The following MINK1 variants were observed in gnomAD, a reference collection of about 807,000 sequenced individuals.
MINK1 encodes the protein misshapen like kinase 1.
A neutral mutation model predicts 178.4 loss-of-function variants in MINK1; 46 were observed. The observed-to-expected ratio is 0.26, with a 90% CI of 0.20 to 0.33. The LOEUF is 0.33. MINK1 is among the 10% of genes least tolerant of loss of function. The pLI, the probability that MINK1 is intolerant of heterozygous loss-of-function variation, is 1.00. For synonymous variants in MINK1, 797 were observed against 709.7 expected (o/e 1.12, Z -1.96); for missense variants, 1,366 against 1,814.9 (o/e 0.75, Z 4.49).
intron 1 of MINK1, among the ~76,000 whole-genome samples, chr17:4,848,864 A>G (rs1911482882): frequency 6.6e-6 from 1 of 152,168 alleles, no homozygotes; most frequent in Non-Finnish European, 1.5e-5. Context: ...GGATGTTGAG[A>G]GGATTAAATA....
chr17:4,878,472 T>A, intron 2 of MINK1, 90 bp downstream of exon 2: 1 of 1,189,092 alleles, frequency 8.4e-7, no homozygotes, highest in Non-Finnish European at 1.2e-6. Flanking sequence ...TCTGCAGGTC[T>A]GAAGGGGGCT....
rs1246532877 is a variant in MINK1, at chr17:4,886,539, T to G, written c.862T>G (p.Phe288Val). 1 of 1,613,756 alleles carries G rather than the reference T, an allele frequency of 6.2e-7. No individual in the cohort carries two copies. Among genetic ancestry groups the G allele is most frequent in the Non-Finnish European group, 8.5e-7 (1 of 1,179,802 alleles). The change falls in exon 10 of 32, where the codon TTC becomes GTC. Residue 288 changes from phenylalanine (F) to valine (V), a missense_variant. Phe to Val is a conservative substitution (Grantham distance 50). Coordinates refer to ENST00000355280, the MANE Select transcript of MINK1 (RefSeq NM_153827.5). This position sits in a 1 kb window ranked among gnomAD's most constrained non-coding sequence, Gnocchi z 6.1. ...PPTEQLLKFP[F>V]IRDQPTERQV... ...CACGGAGCAGCTACTGAAGTTTCCCTTCATCCGGGACCAGCCCACGGAGCG... is the reference window on the plus strand; with the variant it reads ...CACGGAGCAGCTACTGAAGTTTCCCGTCATCCGGGACCAGCCCACGGAGCG...
At chr17:4,860,650 G>A in intron 1 of MINK1, 1 of 506,610 alleles carries the variant, frequency 2.0e-6, no homozygotes, top group African/African-American at 1.9e-5. Context: ...TTTTCCTCCA[G>A]GTAGGAGCTG....
chr17:4,864,567 A>G (rs1914654290), intron 1 of MINK1, among the ~76,000 whole-genome samples: 1 of 150,778 alleles, frequency 6.6e-6, no homozygotes, highest in African/African-American at 2.4e-5. Flanking sequence ...TCTACTAAAA[A>G]TACAAAAATT....
In MINK1 at chr17:4,889,723, T is replaced by TGCGGCGGGAGGAGGA. The variant is rs1228876545; in HGVS notation, c.1315_1329dup (p.Glu439_Arg443dup). The TGCGGCGGGAGGAGGA allele has an allele frequency of 1.3e-5, 20 of 1,551,340 alleles. No individual in the cohort carries two copies. The highest frequency in any genetic ancestry group is 1.6e-5 in the Non-Finnish European group (18 of 1,150,678). On this transcript the variant is annotated inframe_insertion, in exon 13 of 32. Transcript: ENST00000355280. ...CGGCGGCTGGAGGACATGCAGGCTC[T>TGCGGCGGGAGGAGGA]GCGGCGGGAGGAGGAGCGGCGGCAG...
chr17:4,863,245 T>C (rs8066138), intron 1 of MINK1, among the ~76,000 whole-genome samples: 16,475 of 152,126 alleles, frequency 0.11, 936 homozygotes, highest in African/African-American at 0.15. Flanking sequence ...TCTCCCCCTG[T>C]AGTTCCCATG....
In MINK1 at chr17:4,886,969, C is replaced by T. The variant is rs1325046393; in HGVS notation, c.950-141C>T. On this transcript the variant is annotated intron_variant, in intron 10 of 31. Transcript: ENST00000355280. This position sits in a 1 kb window ranked among gnomAD's most constrained non-coding sequence, Gnocchi z 6.1. ...AGGCCCACACCTGAGACCCGCTGTC[C>T]TCCCATTGCCCCCAGGAAGTGGGTG... 6 of 783,270 alleles carry T rather than the reference C, an allele frequency of 7.7e-6. No homozygotes were observed. The highest frequency in any genetic ancestry group is 1.7e-5 in the African/African-American group (1 of 57,882). 48.5% of individuals were successfully genotyped at this position (783,270 alleles called of 1,614,324 possible).
chr17:4,857,652 G>C (rs1003951799), intron 1 of MINK1, among the ~76,000 whole-genome samples: 1 of 151,854 alleles, frequency 6.6e-6, no homozygotes, highest in Non-Finnish European at 1.5e-5. Context: ...ATTTTTAGTA[G>C]AGATGGGGTT....
intron 12 of MINK1, among the ~76,000 whole-genome samples, chr17:4,888,838 C>T (rs1164989602): frequency 2.0e-5 from 3 of 151,784 alleles, no homozygotes; most frequent in Non-Finnish European, 4.4e-5. Context: ...GCTGGGATTA[C>T]AGGAATGCGC....
At position 4,885,127 on chromosome 17, in the gene MINK1, C is replaced by G; in HGVS notation, c.508+125C>G. On this transcript the variant is annotated intron_variant, in intron 6 of 31. Coordinates refer to ENST00000355280, the MANE Select transcript of MINK1 (RefSeq NM_153827.5). This position sits in a 1 kb window ranked among gnomAD's most constrained non-coding sequence, Gnocchi z 5.0. ...CCTACTGGGGAGGCTCACTCCCTCCCCTTTCCCCTCTCCCCCTGGAATGCC... is the reference window on the plus strand; with the variant it reads ...CCTACTGGGGAGGCTCACTCCCTCCGCTTTCCCCTCTCCCCCTGGAATGCC... The G allele has an allele frequency of 1.2e-6, 1 of 843,958 alleles. No individual in the cohort carries two copies. The highest frequency in any genetic ancestry group is 1.9e-6 in the Non-Finnish European group (1 of 533,790). The allele number at this position is 843,958 out of a possible 1,614,324, so 52.3% of individuals were successfully genotyped here.
At chr17:4,840,562 A>T (rs767754788) in intron 1 of MINK1, among the ~76,000 whole-genome samples, 2 of 152,048 alleles carry the variant, frequency 1.3e-5, no homozygotes. Context: ...GTATCCCTAG[A>T]TGTTATTAGC....
At chr17:4,867,817 G>GA (rs951019194) in intron 1 of MINK1, among the ~76,000 whole-genome samples, 17 of 139,546 alleles carry the variant, frequency 1.2e-4, no homozygotes, top group African/African-American at 3.1e-4. Flanking sequence ...CTCCAAAAAA[G>GA]AAAAAAAAAA....
chr17:4,869,487 G>A (rs1353655165), intron 1 of MINK1, among the ~76,000 whole-genome samples: 1 of 150,952 alleles, frequency 6.6e-6, no homozygotes, highest in Non-Finnish European at 1.5e-5. Context: ...ATGTTGCTCA[G>A]GATGGTCTCT....
Position 4,887,675 on chromosome 17 carries a change from A to G in MINK1, c.1115A>G (p.Gln372Arg). 6 of 1,565,388 alleles carry G rather than the reference A, an allele frequency of 3.8e-6. No homozygotes were observed. Among genetic ancestry groups the G allele is most frequent in the Non-Finnish European group, 5.2e-6 (6 of 1,156,778 alleles). ...AGCAACTCAGAGGCTTTAAAACAGC[A>G]GCAGCAGCTGCAGCAGCAGCAGCAG... ...NKSNSEALKQ[Q>R]QQLQQQQQRD... Residue 372 changes from glutamine (Q) to arginine (R), a missense_variant, in exon 12 of 32, where the codon CAG becomes CGG. Coordinates refer to ENST00000355280, the MANE Select transcript of MINK1 (RefSeq NM_153827.5). This position sits in a 1 kb window ranked among gnomAD's most constrained non-coding sequence, Gnocchi z 7.6.
chr17:4,846,249 A>T (rs917381615), intron 1 of MINK1, among the ~76,000 whole-genome samples: 3 of 152,322 alleles, frequency 2.0e-5, no homozygotes, highest in Admixed American at 2.0e-4. Context: ...GTTTCCTCAC[A>T]ATAGTGTCAG....
Position 4,892,521 on chromosome 17 carries a change from G to A in MINK1, c.2198+9G>A, listed in dbSNP as rs1968957097. 5.8e-6 allele frequency: 9 copies of A among 1,549,816 alleles called. No individual in the cohort carries two copies. The highest frequency in any genetic ancestry group is 7.9e-6 in the Non-Finnish European group (9 of 1,142,372). ...CCGCCCAACGCCTCTAGGTAATAGA[G>A]TTGTCCCCCAACTCACTCTCACCTC... On this transcript the variant is annotated intron_variant, in intron 18 of 31. Transcript: ENST00000355280.
In MINK1 at chr17:4,887,577, C is replaced by CA; in HGVS notation, c.1020-2dup. 1 of 1,514,632 alleles carries CA rather than the reference C, an allele frequency of 6.6e-7. No individual in the cohort carries two copies. Among genetic ancestry groups the CA allele is most frequent in the Non-Finnish European group, 8.8e-7 (1 of 1,132,288 alleles). 93.8% of individuals were successfully genotyped at this position (1,514,632 alleles called of 1,614,324 possible). A position where few individuals can be genotyped will look rare whatever the true frequency, so the allele number is the denominator to read the frequency against. On this transcript the variant is annotated splice_polypyrimidine_tract_variant and splice_region_variant and intron_variant, in intron 11 of 31. Transcript: ENST00000355280. The surrounding 1 kb of genome is among the most constrained non-coding windows in gnomAD (Gnocchi z 7.6). ...AGTGCTTCTTTGTGCCACCCCTGCC[C>CA]AGCTCCATCATGAACGTGCCTGGAG...
chr17:4,847,731 G>A (rs979900085), intron 1 of MINK1, among the ~76,000 whole-genome samples: 2 of 152,172 alleles, frequency 1.3e-5, no homozygotes, highest in Non-Finnish European at 2.9e-5. Context: ...GACAGAAACG[G>A]GGGGTGCCAG....
At chr17:4,866,321 G>T (rs1208265802) in intron 1 of MINK1, among the ~76,000 whole-genome samples, 1 of 151,910 alleles carries the variant, frequency 6.6e-6, no homozygotes, top group African/African-American at 2.4e-5. Flanking sequence ...CAAAAAATTA[G>T]CTGGGCGTGG....
Sources: allele counts gnomAD v4.1 joint callset (sites outside exome capture counted in the v4.1 genomes callset), GRCh38; gene constraint gnomAD v4.1.1; non-coding constraint Gnocchi (gnomAD v3.1); transcripts MANE v1.5; gene names NCBI Gene and HGNC (gene_info 2026-07-23, HGNC 2026-07-21).